Variants in AGBL4 observed in about 807,000 individuals in gnomAD.
AGBL4 encodes the protein AGBL carboxypeptidase 4.
A neutral mutation model predicts 66.4 loss-of-function variants in AGBL4; 58 were observed. The ratio of observed to expected loss-of-function variants is 0.87; its 90% CI spans 0.71 to 1.09. The LOEUF is 1.09. Ranked by LOEUF, AGBL4 falls within the 50% of genes least tolerant of loss-of-function variation. The pLI is 0.00. For missense variants in AGBL4, 579 were observed against 631.0 expected, an observed-to-expected ratio of 0.92 and a Z score of 0.88; for synonymous variants, 234 against 222.9, an observed-to-expected ratio of 1.05 and a Z score of -0.44.
Position 49,364,129 on chromosome 1 carries a change from G to T in AGBL4, c.283-118265C>A, listed in dbSNP as rs148394459. The stretch of plus-strand genomic sequence containing the variant: ...CAGAGAGGTAGGAGATGATAAGGCC[G>T]TTTGGGAAACTGAGTGCCTATAATA... On this transcript the variant is annotated intron_variant, in intron 3 of 13. Transcript: ENST00000371839. Among the ~76,000 whole-genome samples, 1,002 of 152,276 alleles carry T rather than the reference G, an allele frequency of 6.6e-3. 6 individuals carry two copies. Among genetic ancestry groups the T allele is most frequent in the Middle Eastern group, 0.014 (4 of 294 alleles).
In AGBL4 at chr1:49,776,279, T is replaced by G. The variant is rs557696635; in HGVS notation, c.157+75117A>C. ...ACAGGCTACCTTTCATCTGGTATCATGCAATGCTTCCTAACTAGTTCCTCC... is the reference window on the plus strand; with the variant it reads ...ACAGGCTACCTTTCATCTGGTATCAGGCAATGCTTCCTAACTAGTTCCTCC... On this transcript the variant is annotated intron_variant, in intron 2 of 13. Transcript: ENST00000371839. 2.6e-5 allele frequency among the ~76,000 whole-genome samples: 4 copies of G among 152,280 alleles called. No individual in the cohort carries two copies. The East Asian group carries it at 7.7e-4, about 29-fold the overall frequency.
At chr1:49,869,951 A>G (rs903628359) in intron 1 of AGBL4, among the ~76,000 whole-genome samples, 14 of 152,206 alleles carry the variant, frequency 9.2e-5, no homozygotes, top group African/African-American at 3.1e-4. Context: ...TAGCTAGAAA[A>G]GAAGATCTAG....
chr1:49,637,799 G>A (rs917821804), intron 3 of AGBL4, among the ~76,000 whole-genome samples: 3 of 151,854 alleles, frequency 2.0e-5, no homozygotes, highest in African/African-American at 7.3e-5. Flanking sequence ...AAAAGCTTGA[G>A]GAACCAATAT....
intron 3 of AGBL4, among the ~76,000 whole-genome samples, chr1:49,378,664 A>G (rs1466696149): frequency 6.6e-6 from 1 of 152,144 alleles, no homozygotes; most frequent in Non-Finnish European, 1.5e-5. Flanking sequence ...GAGCTTTCAG[A>G]CAGCGTTACA....
intron 3 of AGBL4, among the ~76,000 whole-genome samples, chr1:49,478,066 G>C (rs187723731): frequency 4.0e-5 from 6 of 151,838 alleles, no homozygotes; most frequent in Non-Finnish European, 7.4e-5. Flanking sequence ...CCTGCTTGCA[G>C]GATTTAGAAA....
intron 4 of AGBL4, among the ~76,000 whole-genome samples, chr1:49,150,907 C>T (rs1168074402): frequency 6.6e-6 from 1 of 151,942 alleles, no homozygotes; most frequent in African/African-American, 2.4e-5. Context: ...ATAATGAATA[C>T]TGAGAAATAT....
chr1:48,902,288 A>G (rs1652161240), intron 5 of AGBL4, among the ~76,000 whole-genome samples: 2 of 152,166 alleles, frequency 1.3e-5, no homozygotes, highest in African/African-American at 4.8e-5. Context: ...AATTTTTTTA[A>G]AATAAAAAAC....
Position 49,697,392 on chromosome 1 carries a change from A to C in AGBL4, c.203T>G (p.Leu68Arg). Residue 68 changes from leucine (L) to arginine (R), a missense_variant, in exon 3 of 14, where the codon CTG (leucine) becomes CGG (arginine). Coordinates refer to ENST00000371839, the MANE Select transcript of AGBL4 (RefSeq NM_032785.4). ...VDQVSEFEYD[L>R]FIRPDTCNPR... Reference sequence around the variant, plus strand: ...ATTACAGGTGTCCGGCCTAATGAACAGATCATACTCAAACTCAGAGACCTG... The same window carrying C: ...ATTACAGGTGTCCGGCCTAATGAACCGATCATACTCAAACTCAGAGACCTG... 1 of 1,545,252 alleles carries C rather than the reference A, an allele frequency of 6.5e-7. No individual in the cohort carries two copies. The highest frequency in any genetic ancestry group is 8.8e-7 in the Non-Finnish European group (1 of 1,142,028).
chr1:49,891,159 A>C (rs72905721), intron 1 of AGBL4, among the ~76,000 whole-genome samples: 7,457 of 152,250 alleles, frequency 0.049, 557 homozygotes, highest in African/African-American at 0.16. Context: ...AAGATGCTGA[A>C]GAAGAAGCAA....
At chr1:50,023,270 T>TC (rs938824832) in intron 1 of AGBL4, among the ~76,000 whole-genome samples, 13 of 152,068 alleles carry the variant, frequency 8.5e-5, no homozygotes, top group African/African-American at 2.9e-4. Context: ...ATACTCTAAC[T>TC]CCCCCTTCCA....
At chr1:49,851,332 C>T (rs1646298328) in intron 2 of AGBL4, 64 bp downstream of exon 2, 2 of 1,459,520 alleles carry the variant, frequency 1.4e-6, no homozygotes, top group Non-Finnish European at 1.8e-6. Context: ...ACATAAAATT[C>T]AATTCTGAAA....
At chr1:49,353,768 A>T (rs1010532094) in intron 3 of AGBL4, among the ~76,000 whole-genome samples, 1 of 152,140 alleles carries the variant, frequency 6.6e-6, no homozygotes, top group East Asian at 1.9e-4. Context: ...GGCACAGCAG[A>T]GAAGGAGAGA....
intron 3 of AGBL4, among the ~76,000 whole-genome samples, chr1:49,680,655 A>T (rs1264680172): frequency 6.6e-6 from 1 of 151,638 alleles, no homozygotes; most frequent in African/African-American, 2.4e-5. Flanking sequence ...AATTTTTTTT[A>T]ATTTGGTTTT....
intron 1 of AGBL4, among the ~76,000 whole-genome samples, chr1:49,877,310 C>T (rs539409795): frequency 8.6e-5 from 13 of 151,292 alleles, no homozygotes; most frequent in Admixed American, 7.9e-4. Flanking sequence ...ATAGATAGCT[C>T]TTATTATTTT....
chr1:48,708,196 T>C (rs1646909993), intron 6 of AGBL4, among the ~76,000 whole-genome samples: 1 of 152,180 alleles, frequency 6.6e-6, no homozygotes, highest in Non-Finnish European at 1.5e-5. Flanking sequence ...GCCTGGATCT[T>C]CCAGCCCACA....
chr1:49,740,019 A>G (rs1458783912), intron 2 of AGBL4, among the ~76,000 whole-genome samples: 1 of 152,226 alleles, frequency 6.6e-6, no homozygotes, highest in Non-Finnish European at 1.5e-5. Context: ...ACCAGCTAAC[A>G]TCATCATGAC....
chr1:48,845,039 G>A (rs1646879571), intron 6 of AGBL4, among the ~76,000 whole-genome samples: 1 of 152,172 alleles, frequency 6.6e-6, no homozygotes, highest in South Asian at 2.1e-4. Context: ...TGTAATTCTG[G>A]ACAGCTAGTA....
At chr1:49,401,262 T>C (rs1645079711) in intron 3 of AGBL4, among the ~76,000 whole-genome samples, 1 of 152,174 alleles carries the variant, frequency 6.6e-6, no homozygotes, top group African/African-American at 2.4e-5. Flanking sequence ...CTATCAGATC[T>C]TGTGAGAACT....
rs569742319 is a variant in AGBL4, at chr1:49,845,637, G to C, written c.157+5759C>G. 56 of 1,608,142 alleles carry C rather than the reference G, an allele frequency of 3.5e-5. No homozygotes were observed. The Admixed American group carries it at 6.4e-4, about 18-fold the overall frequency. On this transcript the variant is annotated intron_variant, in intron 2 of 13. Transcript: ENST00000371839. ...AGATCACACCACTGATTCAGCACCAGAGGACCCACACAGGAGAAAAGCCCT... is the reference window on the plus strand; with the variant it reads ...AGATCACACCACTGATTCAGCACCACAGGACCCACACAGGAGAAAAGCCCT...
Sources: gnomAD v4.1 joint callset for allele counts (sites outside exome capture counted in the v4.1 genomes callset) on GRCh38, gnomAD v4.1.1 for gene constraint, MANE v1.5 for transcripts, NCBI Gene and HGNC (gene_info 2026-07-23, HGNC 2026-07-21) for gene names.